Variants in RGS6 observed in about 807,000 individuals in gnomAD.
RGS6 encodes regulator of G protein signaling 6, also known as regulator of G-protein signaling 6.
RGS6 carries 30 observed loss-of-function variants against 78.5 expected under a neutral mutation model. The ratio of observed to expected loss-of-function variants is 0.38; its 90% CI spans 0.29 to 0.52. The LOEUF (loss-of-function observed/expected upper bound fraction) is 0.52. RGS6 is among the 20% of genes least tolerant of loss of function. The pLI, the probability that RGS6 is intolerant of heterozygous loss-of-function variation, is 0.85. For missense variants in RGS6, 495 were observed against 609.7 expected (o/e 0.81, Z 1.98); for synonymous variants, 206 against 206.0 (o/e 1.00, Z 0.00).
intron 2 of RGS6, among the ~76,000 whole-genome samples, chr14:72,275,136 C>T (rs2060489989): frequency 6.6e-6 from 1 of 152,130 alleles, no homozygotes. Context: ...TTACAAAGTG[C>T]TCATTTGTCT....
At chr14:72,294,764 A>G (rs1271003869) in intron 2 of RGS6, among the ~76,000 whole-genome samples, 1 of 152,022 alleles carries the variant, frequency 6.6e-6, no homozygotes, top group East Asian at 1.9e-4. Flanking sequence ...TGAGAACTCT[A>G]TCATGAGAAC....
intron 2 of RGS6, among the ~76,000 whole-genome samples, chr14:72,166,642 T>C (rs1281010825): frequency 6.6e-6 from 1 of 152,198 alleles, no homozygotes; most frequent in Non-Finnish European, 1.5e-5. Flanking sequence ...TAAGGAAGCA[T>C]AGGAGACCTT....
chr14:72,309,454 T>A lies in RGS6; in HGVS notation c.85-42641T>A, dbSNP rs1381872803. Among the ~76,000 whole-genome samples, 4 of 152,194 alleles carry A rather than the reference T, an allele frequency of 2.6e-5. No individual in the cohort carries two copies. In the East Asian group the frequency reaches 7.7e-4, roughly 29 times the overall value. On this transcript the variant is annotated intron_variant, in intron 2 of 17. Coordinates refer to ENST00000553525, the MANE Select transcript of RGS6 (RefSeq NM_001204424.2). Reference sequence around the variant, plus strand: ...GCAGATAAGTGAGTGAGTGGATACATATGTGTCTTATTGGGAGACGGCTCA... The same window carrying A: ...GCAGATAAGTGAGTGAGTGGATACAAATGTGTCTTATTGGGAGACGGCTCA...
the RGS6 span, among the ~76,000 whole-genome samples, chr14:71,880,230 C>T: frequency 3.5e-4 from 54 of 152,262 alleles, 2 homozygotes; most frequent in African/African-American, 1.2e-3. Flanking sequence ...TAAAGGCATT[C>T]AGTTTTATAA....
chr14:71,950,278 C>T (rs2092151331), intron 1 of RGS6, among the ~76,000 whole-genome samples: 1 of 152,138 alleles, frequency 6.6e-6, no homozygotes, highest in Non-Finnish European at 1.5e-5. Context: ...TAAGACTGCA[C>T]ATCTACAACC....
intron 3 of RGS6, among the ~76,000 whole-genome samples, chr14:72,397,345 CTGTT>C (rs543136604): frequency 1.9e-3 from 293 of 151,790 alleles, no homozygotes; most frequent in African/African-American, 6.6e-3. Context: ...ATTTGGCTCT[CTGTT>C]TGTCTGTTAT....
At chr14:72,276,789 A>G (rs1358983526) in intron 2 of RGS6, among the ~76,000 whole-genome samples, 1 of 152,176 alleles carries the variant, frequency 6.6e-6, no homozygotes, top group Non-Finnish European at 1.5e-5. Context: ...GAGTCAATCA[A>G]AACTCTTTTT....
chr14:72,012,900 CAAT>C (rs2086080936), intron 2 of RGS6, among the ~76,000 whole-genome samples: 1 of 152,150 alleles, frequency 6.6e-6, no homozygotes, highest in Admixed American at 6.5e-5. Context: ...TGTAAGCAAA[CAAT>C]AAATTTTAGC....
At chr14:72,569,382 T>C (rs2097717625), downstream of RGS6, among the ~76,000 whole-genome samples, 1 of 152,106 alleles carries the variant, frequency 6.6e-6, no homozygotes, top group Non-Finnish European at 1.5e-5. Context: ...TTGCCTTTTT[T>C]AGAAAGCCAC....
At chr14:72,302,178 A>G (rs888666688) in intron 2 of RGS6, among the ~76,000 whole-genome samples, 2 of 152,238 alleles carry the variant, frequency 1.3e-5, no homozygotes, top group African/African-American at 2.4e-5. Flanking sequence ...GTCGTAGTCA[A>G]TTATAACAAT....
intron 2 of RGS6, among the ~76,000 whole-genome samples, chr14:72,158,902 C>A (rs1185523133): frequency 6.6e-6 from 1 of 152,154 alleles, no homozygotes; most frequent in East Asian, 1.9e-4. Context: ...CCACCCTTTT[C>A]TTTCTGTGTG....
At chr14:71,981,363 C>G (rs563983138) in intron 2 of RGS6, among the ~76,000 whole-genome samples, 58 of 152,294 alleles carry the variant, frequency 3.8e-4, no homozygotes, top group Non-Finnish European at 7.1e-4. Flanking sequence ...TCCCGTTTTT[C>G]TATTCTGTTT....
At chr14:72,442,238 T>C (rs1243595055) in intron 3 of RGS6, among the ~76,000 whole-genome samples, 1 of 152,104 alleles carries the variant, frequency 6.6e-6, no homozygotes, top group Non-Finnish European at 1.5e-5. Context: ...TTCCATTTCA[T>C]AGGGACTTGC....
intron 2 of RGS6, among the ~76,000 whole-genome samples, chr14:72,039,450 T>C (rs1022333870): frequency 3.9e-5 from 6 of 152,178 alleles, no homozygotes; most frequent in African/African-American, 1.2e-4. Flanking sequence ...TAATGTCCTT[T>C]TTTGTTTCTT....
chr14:71,917,683 GA>G, the RGS6 span, among the ~76,000 whole-genome samples: 10 of 152,136 alleles, frequency 6.6e-5, no homozygotes, highest in Non-Finnish European at 1.3e-4. Context: ...CAAAAACTTT[GA>G]AAAGTCTCAT....
rs561690506 is a variant in RGS6 at position 72,342,801 on chromosome 14, C to CA, written c.85-9286dup. Among the ~76,000 whole-genome samples the CA allele has an allele frequency of 6.1e-4, 89 of 146,298 alleles. 1 individual carries two copies. Among genetic ancestry groups the CA allele is most frequent in the African/African-American group, 1.7e-3 (69 of 39,714 alleles). The stretch of plus-strand genomic sequence containing the variant: ...CCCATCTAATTGGTCCCAGAGAGAT[C>CA]AAAAAAAATGCAGCATTGAAAATGG... On this transcript the variant is annotated intron_variant, in intron 2 of 17. Coordinates refer to ENST00000553525, the MANE Select transcript of RGS6 (RefSeq NM_001204424.2).
At chr14:72,534,921 A>G (rs1351761144) in intron 15 of RGS6, among the ~76,000 whole-genome samples, 2 of 152,158 alleles carry the variant, frequency 1.3e-5, no homozygotes, top group African/African-American at 2.4e-5. Flanking sequence ...ATGAGCATAC[A>G]TGGGGGAAGA....
chr14:72,544,266 A>G (rs2097363573), intron 17 of RGS6, among the ~76,000 whole-genome samples: 1 of 152,210 alleles, frequency 6.6e-6, no homozygotes, highest in African/African-American at 2.4e-5. Context: ...AGCTGGAGAA[A>G]GTCCTTTGCT....
intron 3 of RGS6, among the ~76,000 whole-genome samples, chr14:72,369,309 A>T (rs2083004456): frequency 6.6e-6 from 1 of 152,236 alleles, no homozygotes; most frequent in Non-Finnish European, 1.5e-5. Context: ...CCAGAAGCCA[A>T]GGATGCCAGC....
Sources: allele counts gnomAD v4.1 joint callset (sites outside exome capture counted in the v4.1 genomes callset), GRCh38; gene constraint gnomAD v4.1.1; transcripts MANE v1.5; gene names NCBI Gene and HGNC (gene_info 2026-07-23, HGNC 2026-07-21).